The following TXNL1 variants were observed in gnomAD, a reference collection of about 807,000 sequenced individuals.
TXNL1 encodes the protein thioredoxin-like protein 1.
A neutral mutation model predicts 35.5 loss-of-function variants in TXNL1; 14 were observed. That is an observed-to-expected ratio of 0.39 (90% CI 0.26 to 0.62). The LOEUF (loss-of-function observed/expected upper bound fraction) is 0.62. Ranked by LOEUF, TXNL1 falls within the 20% of genes least tolerant of loss-of-function variation. TXNL1 has a pLI of 0.47. For missense variants in TXNL1, 263 were observed against 349.7 expected, an observed-to-expected ratio of 0.75 and a Z score of 1.98; for synonymous variants, 110 against 115.5, an observed-to-expected ratio of 0.95 and a Z score of 0.31.
rs1475902083 is a variant in TXNL1, at chr18:56,638,419, C to G, written c.22G>C (p.Gly8Arg). The stretch of plus-strand genomic sequence containing the variant: ...TCTGGCTGGAAATCCGGGTCGCTCC[C>G]GACGGGCTTCACCCCCACCATCCTC... Reference protein sequence around the residue: MVGVKPVGSDPDFQPELS... With the variant: MVGVKPVRSDPDFQPELS... The change falls in exon 1 of 8, where the codon GGG becomes CGG. Residue 8 changes from glycine to arginine, a missense_variant. Physicochemically the swap from Gly to Arg is moderately radical, Grantham distance 125. Transcript: ENST00000217515. The G allele has an allele frequency of 6.2e-7, 1 of 1,613,400 alleles. No individual in the cohort carries two copies. The highest frequency in any genetic ancestry group is 8.5e-7 in the Non-Finnish European group (1 of 1,179,696).
At chr18:56,614,006 A>AAAT (rs2024040453) in intron 6 of TXNL1, among the ~76,000 whole-genome samples, 1 of 152,150 alleles carries the variant, frequency 6.6e-6, no homozygotes, top group African/African-American at 2.4e-5. Flanking sequence ...ATCTCAAAAA[A>AAAT]AAATAAATAA....
At chr18:56,629,921 C>T (rs1313756698) in intron 1 of TXNL1, among the ~76,000 whole-genome samples, 1 of 151,964 alleles carries the variant, frequency 6.6e-6, no homozygotes, top group Non-Finnish European at 1.5e-5. Context: ...CCAGACTGGG[C>T]CCGATGATGG....
intron 6 of TXNL1, 33 bp downstream of exon 6, chr18:56,614,391 C>A: frequency 6.3e-7 from 1 of 1,582,766 alleles, no homozygotes; most frequent in Middle Eastern, 1.7e-4. Flanking sequence ...ACTCACAAAC[C>A]TATTAAATAC....
chr18:56,636,978 T>C (rs1013927455), intron 1 of TXNL1, among the ~76,000 whole-genome samples: 10 of 152,226 alleles, frequency 6.6e-5, no homozygotes, highest in African/African-American at 1.7e-4. Context: ...GACACATTTA[T>C]AGAATTCTAA....
chr18:56,603,134 T>G, intron 7 of TXNL1, 78 bp from the exon 8 acceptor site: 1 of 1,293,904 alleles, frequency 7.7e-7, no homozygotes, highest in Admixed American at 1.9e-5. Flanking sequence ...AATAATCAGT[T>G]TAAAACCTTG....
intron 1 of TXNL1, 99 bp from the exon 2 acceptor site, chr18:56,626,556 G>T: frequency 9.5e-7 from 1 of 1,048,708 alleles, no homozygotes; most frequent in Non-Finnish European, 1.4e-6. Flanking sequence ...GATACTGCTG[G>T]CTTTTGACTC....
chr18:56,602,959 G>A lies in TXNL1; in HGVS notation c.*68C>T, dbSNP rs2023831626. ...GAATGAAACATTGACAGTCTCTGGC[G>A]AGAATCAAGCAATTATCCAGGAGCT... On this transcript the variant is annotated 3_prime_UTR_variant, in exon 8 of 8. Transcript: ENST00000217515. 25 of 1,510,760 alleles carry A rather than the reference G, an allele frequency of 1.7e-5. 1 individual carries two copies. The highest frequency in any genetic ancestry group is 1.4e-4 in the South Asian group (12 of 88,610). 93.6% of individuals were successfully genotyped at this position (1,510,760 alleles called of 1,614,324 possible). A position where few individuals can be genotyped will look rare whatever the true frequency, so the allele number is the denominator to read the frequency against.
rs1300160200 is a variant in TXNL1, at chr18:56,614,522, C to T, written c.637G>A (p.Glu213Lys). The part of the protein sequence containing the change: ...SMDFEEAERS[E>K]PTQALELTED... ...GTCAGTTCCAGAGCTTGAGTTGGTTCACTTCTTTCTGCCTCTTCAAAATCC... is the reference window on the plus strand; with the variant it reads ...GTCAGTTCCAGAGCTTGAGTTGGTTTACTTCTTTCTGCCTCTTCAAAATCC... The change falls in exon 6 of 8, where the codon GAA becomes AAA. Residue 213 changes from glutamate (E) to lysine (K), a missense_variant. Physicochemically the swap from Glu to Lys is moderately conservative, Grantham distance 56. Transcript: ENST00000217515. 6.2e-7 allele frequency: 1 copy of T among 1,613,748 alleles called. No homozygotes were observed. Among genetic ancestry groups the T allele is most frequent in the African/African-American group, 1.3e-5 (1 of 74,866 alleles).
At chr18:56,634,953 C>T (rs2024432774) in intron 1 of TXNL1, among the ~76,000 whole-genome samples, 2 of 152,146 alleles carry the variant, frequency 1.3e-5, no homozygotes, top group Non-Finnish European at 2.9e-5. Flanking sequence ...CAAAAACAAA[C>T]CACTCAATTC....
At chr18:56,631,297 A>T (rs757060072) in intron 1 of TXNL1, among the ~76,000 whole-genome samples, 1 of 151,994 alleles carries the variant, frequency 6.6e-6, no homozygotes, top group Non-Finnish European at 1.5e-5. Flanking sequence ...AAATAAAAGG[A>T]CTCTCCAAGG....
In TXNL1 at chr18:56,601,973, T is replaced by C. The variant is rs2023815231; in HGVS notation, c.*1054A>G. On this transcript the variant is annotated 3_prime_UTR_variant, in exon 8 of 8. Coordinates refer to ENST00000217515, the MANE Select transcript of TXNL1 (RefSeq NM_004786.3). ...CTCTGTATATTTACACTGCACGTTT[T>C]GGTAGTTCAGGTAATAAATACTTGA... is the stretch of plus-strand genomic sequence containing the variant. 1 of 152,220 alleles carries C rather than the reference T, an allele frequency of 6.6e-6. No homozygotes were observed. Among genetic ancestry groups the C allele is most frequent in the Non-Finnish European group, 1.5e-5 (1 of 68,042 alleles). The allele number at this position is 152,220 out of a possible 1,614,324, so 9.4% of individuals were successfully genotyped here. A position where few individuals can be genotyped will look rare whatever the true frequency, so the allele number is the denominator to read the frequency against.
At chr18:56,607,304 A>G (rs759229) in intron 7 of TXNL1, among the ~76,000 whole-genome samples, 1 of 149,400 alleles carries the variant, frequency 6.7e-6, no homozygotes, top group Non-Finnish European at 1.5e-5. Context: ...AGGTGCACCC[A>G]CCGTCTTGCA....
intron 3 of TXNL1, 57 bp downstream of exon 3, chr18:56,624,231 C>T: frequency 6.7e-7 from 1 of 1,489,718 alleles, no homozygotes; most frequent in Non-Finnish European, 9.1e-7. Flanking sequence ...CATTTTAGCC[C>T]AATAATGACA....
intron 2 of TXNL1, among the ~76,000 whole-genome samples, chr18:56,625,964 T>C (rs2024271331): frequency 6.6e-6 from 1 of 152,172 alleles, no homozygotes; most frequent in Non-Finnish European, 1.5e-5. Context: ...GTGTGTCCAT[T>C]TGGAGATAAG....
At chr18:56,610,885 T>A (rs2023978952) in intron 7 of TXNL1, 108 bp downstream of exon 7, 1 of 709,672 alleles carries the variant, frequency 1.4e-6, no homozygotes, top group Non-Finnish European at 2.2e-6. Flanking sequence ...TGACATGATA[T>A]AATTTTGAAT....
At chr18:56,615,844 A>G in intron 5 of TXNL1, among the ~76,000 whole-genome samples, 1 of 152,188 alleles carries the variant, frequency 6.6e-6, no homozygotes. Context: ...CTTCGTTCCA[A>G]AACAAGCCAG....
chr18:56,606,051 C>T (rs1267761281), intron 7 of TXNL1, among the ~76,000 whole-genome samples: 2 of 152,190 alleles, frequency 1.3e-5, no homozygotes, highest in African/African-American at 4.8e-5. Flanking sequence ...CTCCCTGTGC[C>T]TATAAAATAT....
intron 3 of TXNL1, among the ~76,000 whole-genome samples, chr18:56,621,090 C>T (rs1208353633): frequency 6.6e-6 from 1 of 151,748 alleles, no homozygotes; most frequent in Non-Finnish European, 1.5e-5. Flanking sequence ...AGGATTAAGA[C>T]AACATTACAG....
chr18:56,630,901 T>C (rs1274683645), intron 1 of TXNL1, among the ~76,000 whole-genome samples: 1 of 151,952 alleles, frequency 6.6e-6, no homozygotes, highest in African/African-American at 2.4e-5. Flanking sequence ...TTCTTTTTTT[T>C]TTTAGGGTTT....
Sources: allele counts gnomAD v4.1 joint callset (sites outside exome capture counted in the v4.1 genomes callset), GRCh38; gene constraint gnomAD v4.1.1; transcripts MANE v1.5; gene names NCBI Gene and HGNC (gene_info 2026-07-23, HGNC 2026-07-21).